TCHP: variants seen among roughly 807,000 people sequenced by gnomAD.
The protein encoded by TCHP is trichoplein keratin filament binding, also known as trichoplein keratin filament-binding protein.
TCHP carries 81 observed loss-of-function variants against 88.7 expected under a neutral mutation model. The ratio of observed to expected loss-of-function variants is 0.91; its 90% CI spans 0.76 to 1.10. TCHP has a LOEUF of 1.10. TCHP is among the 50% of genes least tolerant of loss of function. The pLI is 0.00. For synonymous variants in TCHP, 232 were observed against 232.5 expected, an observed-to-expected ratio of 1.00 and a Z score of 0.02; for missense variants, 641 against 632.1, an observed-to-expected ratio of 1.01 and a Z score of -0.15.
rs1870899478 is a variant in TCHP at position 109,917,836 on chromosome 12, A to G, written c.*1213A>G. The G allele has an allele frequency of 6.6e-6, 1 of 152,602 alleles. No homozygotes were observed. Among genetic ancestry groups the G allele is most frequent in the Non-Finnish European group, 1.5e-5 (1 of 68,034 alleles). 9.5% of individuals were successfully genotyped at this position (152,602 alleles called of 1,614,324 possible). On this transcript the variant is annotated 3_prime_UTR_variant, in exon 13 of 13. Transcript: ENST00000405876. ...AATTACAGGGCATTGTTCCATGGTT[A>G]TTAAAAATCAGAGTTTATTAAAAAT...
rs1270607653 is a variant in TCHP at position 109,907,527 on chromosome 12, A to T, written c.527A>T (p.Gln176Leu). 2 of 1,614,140 alleles carry T rather than the reference A, an allele frequency of 1.2e-6. No individual in the cohort carries two copies. Among genetic ancestry groups the T allele is most frequent in the Non-Finnish European group, 1.7e-6 (2 of 1,179,994 alleles). The change falls in exon 6 of 13, where the codon CAA becomes CTA. Residue 176 changes from glutamine to leucine, a missense_variant and splice_region_variant. Physicochemically the swap from Gln to Leu is moderately radical, Grantham distance 113 (BLOSUM62 -2). Coordinates refer to ENST00000405876, the MANE Select transcript of TCHP (RefSeq NM_001143852.2). ...CTGTGTTCATTTGGTCCCTTGTAGC[A>T]AGAAGCCACCGCAGAGCAAGAGAAC... The part of the protein sequence containing the change: ...WEMQKEEKKQ[Q>L]EATAEQENKR...
chr12:109,885,003 C>T, the TCHP span, among the ~76,000 whole-genome samples: 1 of 152,372 alleles, frequency 6.6e-6, no homozygotes, highest in African/African-American at 2.4e-5. Context: ...GAGTCTCACT[C>T]TGTCGCCTAG....
chr12:109,904,244 A>T, intron 3 of TCHP, 97 bp downstream of exon 3: 1 of 1,109,360 alleles, frequency 9.0e-7, no homozygotes, highest in Non-Finnish European at 1.3e-6. Flanking sequence ...CTCAGGTCTG[A>T]TGAGATGCCA....
At chr12:109,895,407 G>T (rs1003469224), upstream of TCHP, among the ~76,000 whole-genome samples, 1 of 151,700 alleles carries the variant, frequency 6.6e-6, no homozygotes, top group African/African-American at 2.4e-5. Context: ...GAGATGGGGT[G>T]GGGGGTCTCT....
At chr12:109,894,765 C>CAAAA in the TCHP span, among the ~76,000 whole-genome samples, 41 of 74,140 alleles carry the variant, frequency 5.5e-4, no homozygotes, top group African/African-American at 1.6e-3. Context: ...AACTCTGTCC[C>CAAAA]AAAAAAAAAA....
In TCHP at chr12:109,903,339, T is replaced by TTTTCCA; in HGVS notation, c.188+126_188+131dup. 1 of 852,176 alleles carries TTTTCCA rather than the reference T, an allele frequency of 1.2e-6. No homozygotes were observed. The highest frequency in any genetic ancestry group is 1.8e-6 in the Non-Finnish European group (1 of 565,356). The allele number at this position is 852,176 out of a possible 1,614,324, so 52.8% of individuals were successfully genotyped here. A position where few individuals can be genotyped will look rare whatever the true frequency, so the allele number is the denominator to read the frequency against. On this transcript the variant is annotated intron_variant, in intron 2 of 12. Transcript: ENST00000405876. This position sits in a 1 kb window ranked among gnomAD's most constrained non-coding sequence, Gnocchi z 4.6. Reference sequence around the variant, plus strand: ...GTATGAATTACCTGCATGGTGATGTTTTTCCAGCTGGAAATGGAAAAAAAG... The same window carrying TTTTCCA: ...GTATGAATTACCTGCATGGTGATGTTTTTCCATTTCCAGCTGGAAATGGAAAAAAAG...
Position 109,901,752 on chromosome 12 carries a change from T to A in TCHP, c.1-1275T>A, listed in dbSNP as rs138539549. ...TTTAATTTTTGCATGTTTTTACTTA[T>A]GTAGAATTGTTGCATCTGAGCTCCC... On this transcript the variant is annotated intron_variant, in intron 1 of 12. Coordinates refer to ENST00000405876, the MANE Select transcript of TCHP (RefSeq NM_001143852.2). 7.2e-5 allele frequency among the ~76,000 whole-genome samples: 11 copies of A among 152,386 alleles called. No homozygotes were observed. In the East Asian group the frequency reaches 2.1e-3, roughly 29 times the overall value.
the TCHP span, among the ~76,000 whole-genome samples, chr12:109,887,526 T>G: frequency 6.6e-6 from 1 of 152,100 alleles, no homozygotes; most frequent in South Asian, 2.1e-4. Flanking sequence ...AGTTCCCTTC[T>G]CCTGCAGTGA....
chr12:109,909,191 A>T (rs1870340981), intron 8 of TCHP, among the ~76,000 whole-genome samples: 1 of 152,238 alleles, frequency 6.6e-6, no homozygotes, highest in South Asian at 2.1e-4. Context: ...TGTTGTCACC[A>T]TGAAAACCAA....
the TCHP span, among the ~76,000 whole-genome samples, chr12:109,891,373 G>T: frequency 2.0e-5 from 3 of 151,194 alleles, no homozygotes; most frequent in Non-Finnish European, 2.9e-5. Context: ...TATAGTAATG[G>T]GCTTTCTTAA....
At chr12:109,915,687 T>G in intron 12 of TCHP, 141 bp downstream of exon 12, 1 of 1,087,184 alleles carries the variant, frequency 9.2e-7, no homozygotes, top group Non-Finnish European at 1.3e-6. Flanking sequence ...TTCTCTTGTA[T>G]TTCTCTCTTC....
chr12:109,904,924 G>A lies in TCHP; in HGVS notation c.456+131G>A, dbSNP rs906717556. Reference sequence around the variant, plus strand: ...GAACCTTGAGCCACCTGAAAAGAGCGCCAGGCAGAAGATCTGGCACAGGCT... The same window carrying A: ...GAACCTTGAGCCACCTGAAAAGAGCACCAGGCAGAAGATCTGGCACAGGCT... On this transcript the variant is annotated intron_variant, in intron 4 of 12. Coordinates refer to ENST00000405876, the MANE Select transcript of TCHP (RefSeq NM_001143852.2). 1.1e-5 allele frequency: 8 copies of A among 757,956 alleles called. No individual in the cohort carries two copies. The Admixed American group carries it at 1.1e-4, about 11-fold the overall frequency. The allele number at this position is 757,956 out of a possible 1,614,324, so 47.0% of individuals were successfully genotyped here.
rs972608175 is a variant in TCHP at position 109,917,083 on chromosome 12, T to C, written c.*460T>C. 1.3e-5 allele frequency: 2 copies of C among 153,868 alleles called. No homozygotes were observed. Among genetic ancestry groups the C allele is most frequent in the African/African-American group, 4.8e-5 (2 of 41,534 alleles). The allele number at this position is 153,868 out of a possible 1,614,324, so 9.5% of individuals were successfully genotyped here. ...TTAAAAACAAACCTAGAGGTCTTGG[T>C]GCAGTTGATTTCAGAGTTTATTAAT... On this transcript the variant is annotated 3_prime_UTR_variant, in exon 13 of 13. Coordinates refer to ENST00000405876, the MANE Select transcript of TCHP (RefSeq NM_001143852.2).
rs191871970 is a variant in TCHP, at chr12:109,916,802, C to T, written c.*179C>T. Reference sequence around the variant, plus strand: ...AGTGTTTGGCCAGACATTAAGGTGTCGTGAGAGTCCCTTTCATGCCTTTCT... The same window carrying T: ...AGTGTTTGGCCAGACATTAAGGTGTTGTGAGAGTCCCTTTCATGCCTTTCT... On this transcript the variant is annotated 3_prime_UTR_variant, in exon 13 of 13. Transcript: ENST00000405876. The T allele has an allele frequency of 2.5e-4, 154 of 619,372 alleles. 1 individual carries two copies. The highest frequency in any genetic ancestry group is 2.0e-3 in the African/African-American group (109 of 54,300). The allele number at this position is 619,372 out of a possible 1,614,324, so 38.4% of individuals were successfully genotyped here. A position where few individuals can be genotyped will look rare whatever the true frequency, so the allele number is the denominator to read the frequency against.
the TCHP span, among the ~76,000 whole-genome samples, chr12:109,884,382 A>C: frequency 6.6e-6 from 1 of 151,660 alleles, no homozygotes; most frequent in Non-Finnish European, 1.5e-5. Flanking sequence ...TAGAGACAGG[A>C]TTTCACCGTG....
At chr12:109,912,467 G>A (rs1309162113) in intron 9 of TCHP, among the ~76,000 whole-genome samples, 1 of 152,174 alleles carries the variant, frequency 6.6e-6, no homozygotes, top group African/African-American at 2.4e-5. Flanking sequence ...TTTTTATAAG[G>A]AGATGGGGTA....
intron 9 of TCHP, 34 bp downstream of exon 9, chr12:109,911,269 C>T (rs762087678): frequency 2.0e-5 from 25 of 1,248,294 alleles, no homozygotes; most frequent in Non-Finnish European, 2.7e-5. Flanking sequence ...CTGGATGCTC[C>T]TGGCCTCAAC....
At chr12:109,899,794 C>G (rs559559629), upstream of TCHP, among the ~76,000 whole-genome samples, 10 of 152,080 alleles carry the variant, frequency 6.6e-5, no homozygotes, top group Non-Finnish European at 1.0e-4. Flanking sequence ...TTAAAGGTAT[C>G]TGGATTTTTT....
the TCHP span, among the ~76,000 whole-genome samples, chr12:109,882,766 T>G: frequency 2.7e-5 from 4 of 147,880 alleles, no homozygotes; most frequent in African/African-American, 9.9e-5. Context: ...CAGGCAATTC[T>G]CTGCCTCAGC....
Sources: allele counts gnomAD v4.1 joint callset (sites outside exome capture counted in the v4.1 genomes callset), GRCh38; gene constraint gnomAD v4.1.1; non-coding constraint Gnocchi (gnomAD v3.1); transcripts MANE v1.5; gene names NCBI Gene and HGNC (gene_info 2026-07-23, HGNC 2026-07-21).